EIF3E: variants seen among roughly 807,000 people sequenced by gnomAD.
The protein encoded by EIF3E is eukaryotic translation initiation factor 3 subunit E, also known as eIF-3 p48.
EIF3E carries 25 observed loss-of-function variants against 59.3 expected under a neutral mutation model. The observed-to-expected ratio is 0.42, with a 90% CI of 0.31 to 0.59. The LOEUF (loss-of-function observed/expected upper bound fraction) is 0.59. EIF3E is among the 20% of genes least tolerant of loss of function. EIF3E has a pLI of 0.15. For missense variants in EIF3E, 317 were observed against 534.3 expected (o/e 0.59, Z 4.01); for synonymous variants, 176 against 170.2 (o/e 1.03, Z -0.26).
chr8:108,201,251 A>T lies in EIF3E; in HGVS notation c.*634T>A, dbSNP rs1169369306. On this transcript the variant is annotated 3_prime_UTR_variant, in exon 13 of 13. Transcript: ENST00000220849. ...ATAAAAAAGGAATTAACTACTGATC[A>T]TATATATATATATATCTATCTCTCA... The T allele has an allele frequency of 1.3e-5, 1 of 74,656 alleles. No homozygotes were observed. Among genetic ancestry groups the T allele is most frequent in the Non-Finnish European group, 2.8e-5 (1 of 35,090 alleles). 4.6% of individuals were successfully genotyped at this position (74,656 alleles called of 1,614,324 possible).
Position 108,242,674 on chromosome 8 carries a change from C to A in EIF3E, c.91-761G>T, listed in dbSNP as rs1003421826. ...AGCCATGAGAGCAAAATCGAACCTT[C>A]CAAATTACATGCAGAACTCCTATAA... On this transcript the variant is annotated intron_variant, in intron 1 of 12. Coordinates refer to ENST00000220849, the MANE Select transcript of EIF3E (RefSeq NM_001568.3). 4.8e-5 allele frequency: 54 copies of A among 1,124,094 alleles called. No homozygotes were observed. The African/African-American group carries it at 8.1e-4, about 17-fold the overall frequency. 69.6% of individuals were successfully genotyped at this position (1,124,094 alleles called of 1,614,324 possible).
intron 1 of EIF3E, among the ~76,000 whole-genome samples, chr8:108,244,955 T>C (rs1815919517): frequency 6.6e-6 from 1 of 151,976 alleles, no homozygotes; most frequent in African/African-American, 2.4e-5. Context: ...ACTACTCCCA[T>C]AGCCTTCTAC....
At chr8:108,229,049 C>T in intron 6 of EIF3E, 21 bp downstream of exon 6, 1 of 1,584,396 alleles carries the variant, frequency 6.3e-7, no homozygotes, top group Non-Finnish European at 8.6e-7. Context: ...CAGAGAATAA[C>T]TGTGAAAAAG....
At chr8:108,246,282 TGTG>T (rs1815946337) in intron 1 of EIF3E, among the ~76,000 whole-genome samples, 1 of 34,038 alleles carries the variant, frequency 2.9e-5, no homozygotes, top group African/African-American at 1.2e-4. Flanking sequence ...GCTAAGGGGG[TGTG>T]GGGGGGGGGG....
In EIF3E at chr8:108,233,766, G is replaced by T. The variant is rs189962964; in HGVS notation, c.471+1232C>A. ...AGGCAAGAGAATCTCTTGAGCGCAA[G>T]AGTTCAAGGCTGCAGTGAGCTATGA... On this transcript the variant is annotated intron_variant, in intron 5 of 12. Transcript: ENST00000220849. The T allele has an allele frequency of 8.2e-5, 17 of 208,212 alleles. No individual in the cohort carries two copies. In the East Asian group the frequency reaches 3.0e-3, roughly 37 times the overall value. 12.9% of individuals were successfully genotyped at this position (208,212 alleles called of 1,614,324 possible).
chr8:108,202,668 A>C (rs780874298), intron 12 of EIF3E, among the ~76,000 whole-genome samples: 32 of 152,180 alleles, frequency 2.1e-4, no homozygotes, highest in Admixed American at 4.6e-4. Flanking sequence ...TACACATGTA[A>C]GTTATCATCT....
chr8:108,241,715 T>A, intron 2 of EIF3E, 84 bp downstream of exon 2: 1 of 755,584 alleles, frequency 1.3e-6, no homozygotes, highest in Non-Finnish European at 2.0e-6. Flanking sequence ...GCCTTTTGGC[T>A]AAAGCTGTCT....
chr8:108,236,105 T>C, intron 4 of EIF3E, 56 bp downstream of exon 4: 1 of 1,478,594 alleles, frequency 6.8e-7, no homozygotes, highest in Admixed American at 1.8e-5. Flanking sequence ...TACAAACCAG[T>C]CTTTAGTCAG....
chr8:108,205,291 G>A (rs767342726), intron 10 of EIF3E, among the ~76,000 whole-genome samples: 52 of 152,120 alleles, frequency 3.4e-4, no homozygotes, highest in Admixed American at 5.9e-4. Flanking sequence ...ATTCACTGCC[G>A]TTATGTCCAG....
At chr8:108,245,125 C>G (rs1303504068) in intron 1 of EIF3E, among the ~76,000 whole-genome samples, 6 of 151,142 alleles carry the variant, frequency 4.0e-5, no homozygotes, top group African/African-American at 9.8e-5. Context: ...CTCACTGCCC[C>G]CCCCTCCCAT....
chr8:108,236,841 G>A (rs1403169235), intron 3 of EIF3E, among the ~76,000 whole-genome samples: 1 of 152,024 alleles, frequency 6.6e-6, no homozygotes, highest in Non-Finnish European at 1.5e-5. Context: ...GGCAAACATG[G>A]TGAGACCCAG....
At chr8:108,203,591 G>C (rs1389640259) in intron 10 of EIF3E, 88 bp from the exon 11 acceptor site, 1 of 1,008,744 alleles carries the variant, frequency 9.9e-7, no homozygotes, top group Non-Finnish European at 1.5e-6. Flanking sequence ...ACTCTGCATA[G>C]ATACTTTTTG....
At chr8:108,236,286 T>C in intron 3 of EIF3E, 83 bp from the exon 4 acceptor site, 2 of 1,011,170 alleles carry the variant, frequency 2.0e-6, no homozygotes, top group East Asian at 2.6e-5. Context: ...AGTTATTACC[T>C]ACGCAAAGTC....
At chr8:108,248,474 A>G (rs1230054235) in intron 1 of EIF3E, 139 bp downstream of exon 1, 8 of 749,992 alleles carry the variant, frequency 1.1e-5, no homozygotes, top group Non-Finnish European at 1.8e-5. Context: ...AACTACCAGA[A>G]GATCCTTAGT....
intron 10 of EIF3E, among the ~76,000 whole-genome samples, chr8:108,212,702 T>C (rs1815234740): frequency 6.6e-6 from 1 of 152,100 alleles, no homozygotes; most frequent in Non-Finnish European, 1.5e-5. Flanking sequence ...CTTGGGAGGC[T>C]GAGGCACGAG....
At chr8:108,238,101 A>T (rs1286841708) in intron 3 of EIF3E, among the ~76,000 whole-genome samples, 1 of 152,194 alleles carries the variant, frequency 6.6e-6, no homozygotes, top group Non-Finnish European at 1.5e-5. Context: ...AAACTACAGC[A>T]TCCTAAATTT....
chr8:108,211,587 C>A (rs901166442), intron 10 of EIF3E, among the ~76,000 whole-genome samples: 1 of 152,158 alleles, frequency 6.6e-6, no homozygotes, highest in Admixed American at 6.5e-5. Context: ...TTCTAACCCA[C>A]TAAAGCATCC....
intron 7 of EIF3E, among the ~76,000 whole-genome samples, chr8:108,224,019 C>T (rs1815472610): frequency 1.3e-5 from 2 of 150,540 alleles, no homozygotes; most frequent in South Asian, 2.1e-4. Context: ...AGATAGAGAC[C>T]ATCCTGGCTA....
intron 7 of EIF3E, among the ~76,000 whole-genome samples, chr8:108,224,762 T>C (rs1291480778): frequency 6.6e-6 from 1 of 151,518 alleles, no homozygotes; most frequent in Non-Finnish European, 1.5e-5. Context: ...GTGATGGTTA[T>C]ATCACTCAGT....
Sources: allele counts gnomAD v4.1 joint callset (sites outside exome capture counted in the v4.1 genomes callset), GRCh38; gene constraint gnomAD v4.1.1; transcripts MANE v1.5; gene names NCBI Gene and HGNC (gene_info 2026-07-23, HGNC 2026-07-21).